The following MCTP1 variants were observed in gnomAD, a reference collection of about 807,000 sequenced individuals.
MCTP1 encodes multiple C2 and transmembrane domain containing 1.
A neutral mutation model predicts 120.6 loss-of-function variants in MCTP1; 69 were observed. The ratio of observed to expected loss-of-function variants is 0.57; its 90% CI spans 0.47 to 0.70. MCTP1 has a LOEUF of 0.70. Ranked by LOEUF, MCTP1 falls within the 30% of genes least tolerant of loss-of-function variation. MCTP1 has a pLI of 0.00. For synonymous variants in MCTP1, 529 were observed against 493.1 expected (o/e 1.07, Z -0.96); for missense variants, 1,203 against 1,248.8 (o/e 0.96, Z 0.55).
At chr5:95,143,908 G>T (rs1760149160) in intron 1 of MCTP1, among the ~76,000 whole-genome samples, 1 of 152,086 alleles carries the variant, frequency 6.6e-6, no homozygotes, top group Non-Finnish European at 1.5e-5. Context: ...ATTTTTCTTT[G>T]GGTATATATT....
chr5:95,078,031 T>C (rs10065290), intron 1 of MCTP1, among the ~76,000 whole-genome samples: 57 of 139,448 alleles, frequency 4.1e-4, no homozygotes, highest in South Asian at 9.8e-4. Context: ...ATCATCCATC[T>C]ATCCATCCAT....
chr5:94,990,390 G>A (rs1831298596), intron 2 of MCTP1, among the ~76,000 whole-genome samples: 1 of 152,132 alleles, frequency 6.6e-6, no homozygotes, highest in African/African-American at 2.4e-5. Context: ...TGGGATCTTG[G>A]CCCAGGCTCA....
At chr5:94,758,181 A>G (rs1770406984) in intron 19 of MCTP1, among the ~76,000 whole-genome samples, 1 of 152,252 alleles carries the variant, frequency 6.6e-6, no homozygotes, top group South Asian at 2.1e-4. Context: ...GACATTTGTC[A>G]TAGGTACTCA....
chr5:95,169,129 C>T (rs1005158473), intron 1 of MCTP1, among the ~76,000 whole-genome samples: 7 of 152,148 alleles, frequency 4.6e-5, no homozygotes, highest in African/African-American at 1.7e-4. Flanking sequence ...TTGTCAAAGG[C>T]CTTTTCTGCA....
At chr5:94,744,708 T>C (rs1012997472) in intron 19 of MCTP1, among the ~76,000 whole-genome samples, 1 of 152,062 alleles carries the variant, frequency 6.6e-6, no homozygotes, top group African/African-American at 2.4e-5. Flanking sequence ...ATGGGGCTTC[T>C]CCATGTTGGT....
At chr5:94,907,946 T>C (rs1226477762) in intron 10 of MCTP1, among the ~76,000 whole-genome samples, 1 of 152,106 alleles carries the variant, frequency 6.6e-6, no homozygotes, top group East Asian at 1.9e-4. Flanking sequence ...CACATGCCCA[T>C]CATTCTGATT....
At chr5:95,116,899 T>G (rs1219812126) in intron 1 of MCTP1, among the ~76,000 whole-genome samples, 3 of 152,214 alleles carry the variant, frequency 2.0e-5, no homozygotes, top group Non-Finnish European at 4.4e-5. Flanking sequence ...ATTCTGAGAC[T>G]GCTGAAGTTG....
chr5:95,023,283 A>G (rs1562032999), intron 1 of MCTP1, among the ~76,000 whole-genome samples: 1 of 152,192 alleles, frequency 6.6e-6, no homozygotes, highest in Non-Finnish European at 1.5e-5. Flanking sequence ...TTCCCTCTGT[A>G]AGAGGGATGA....
intron 1 of MCTP1, among the ~76,000 whole-genome samples, chr5:95,063,424 T>C (rs1252732162): frequency 1.3e-5 from 2 of 152,230 alleles, no homozygotes; most frequent in Non-Finnish European, 2.9e-5. Flanking sequence ...TTAAAGAACA[T>C]GTAAGCTGCA....
intron 1 of MCTP1, among the ~76,000 whole-genome samples, chr5:95,032,240 A>G (rs925973543): frequency 2.6e-5 from 4 of 152,108 alleles, no homozygotes; most frequent in African/African-American, 9.7e-5. Context: ...GACCAAATGG[A>G]CCTACCAGAC....
At chr5:94,870,997 C>T (rs368173879) in intron 14 of MCTP1, 24 bp from the exon 15 acceptor site, 38 of 1,583,244 alleles carry the variant, frequency 2.4e-5, no homozygotes, top group Admixed American at 3.3e-5. Flanking sequence ...ACATGACAGC[C>T]GTCTGTCTCG....
chr5:94,941,525 T>G (rs1248202815), intron 4 of MCTP1, among the ~76,000 whole-genome samples: 1 of 152,054 alleles, frequency 6.6e-6, no homozygotes, highest in Non-Finnish European at 1.5e-5. Context: ...AGTAGTGATC[T>G]GGCTCATTAC....
chr5:95,159,895 A>G (rs1242977716), intron 1 of MCTP1, among the ~76,000 whole-genome samples: 1 of 152,136 alleles, frequency 6.6e-6, no homozygotes, highest in African/African-American at 2.4e-5. Flanking sequence ...GAAATTTACC[A>G]AGCAGATAAG....
At chr5:95,140,616 C>T (rs1368095717) in intron 1 of MCTP1, among the ~76,000 whole-genome samples, 2 of 142,122 alleles carry the variant, frequency 1.4e-5, no homozygotes, top group Non-Finnish European at 3.0e-5. Context: ...CCCAGTACTT[C>T]GGGAGGCCGA....
At chr5:94,713,153 A>T (rs1757714374) in intron 20 of MCTP1, among the ~76,000 whole-genome samples, 1 of 152,066 alleles carries the variant, frequency 6.6e-6, no homozygotes, top group Admixed American at 6.6e-5. Context: ...GTGCTTAAAG[A>T]TTGCTTTTGA....
At chr5:94,830,077 G>C (rs1203816442) in intron 17 of MCTP1, among the ~76,000 whole-genome samples, 1 of 152,228 alleles carries the variant, frequency 6.6e-6, no homozygotes, top group Non-Finnish European at 1.5e-5. Context: ...CCAAGAAAGA[G>C]TCTGGTATTT....
intron 19 of MCTP1, among the ~76,000 whole-genome samples, chr5:94,716,104 CAG>C (rs895113848): frequency 3.3e-5 from 5 of 152,208 alleles, no homozygotes; most frequent in African/African-American, 1.2e-4. Context: ...CCAAGGACAA[CAG>C]GGTACACTGG....
Position 94,960,972 on chromosome 5 carries a change from C to T in MCTP1, c.839-7611G>A, listed in dbSNP as rs182185339. ...ATTCTACTATAAAGACACATGCACACGTATGTTTACTGCGGCACTCTTCAT... is the reference window on the plus strand; with the variant it reads ...ATTCTACTATAAAGACACATGCACATGTATGTTTACTGCGGCACTCTTCAT... On this transcript the variant is annotated intron_variant, in intron 2 of 22. Coordinates refer to ENST00000515393, the MANE Select transcript of MCTP1 (RefSeq NM_024717.7). 1.4e-3 allele frequency among the ~76,000 whole-genome samples: 215 copies of T among 152,196 alleles called. 1 individual carries two copies. Among genetic ancestry groups the T allele is most frequent in the African/African-American group, 5.0e-3 (206 of 41,536 alleles).
At chr5:94,815,056 G>T (rs1784232314) in intron 17 of MCTP1, among the ~76,000 whole-genome samples, 1 of 152,132 alleles carries the variant, frequency 6.6e-6, no homozygotes, top group Non-Finnish European at 1.5e-5. Context: ...TGTTATGAGG[G>T]ATTTGTTTTA....
Sources: gnomAD v4.1 joint callset for allele counts (sites outside exome capture counted in the v4.1 genomes callset) on GRCh38, gnomAD v4.1.1 for gene constraint, MANE v1.5 for transcripts, NCBI Gene and HGNC (gene_info 2026-07-23, HGNC 2026-07-21) for gene names.